The following GABBR2 variants were observed in gnomAD, a reference collection of about 807,000 sequenced individuals.
GABBR2 encodes G-protein coupled receptor 51.
GABBR2 carries 23 observed loss-of-function variants against 105.6 expected under a neutral mutation model. The observed-to-expected ratio is 0.22, with a 90% CI of 0.16 to 0.31. The LOEUF is 0.31. Among genes scored for constraint, GABBR2 ranks in the 10% least tolerant of loss-of-function variants. GABBR2 has a pLI of 1.00. For synonymous variants in GABBR2, 478 were observed against 499.7 expected, an observed-to-expected ratio of 0.96 and a Z score of 0.58; for missense variants, 734 against 1,245.5, an observed-to-expected ratio of 0.59 and a Z score of 6.18.
chr9:98,411,048 A>G (rs1356927142), intron 7 of GABBR2, among the ~76,000 whole-genome samples: 2 of 152,180 alleles, frequency 1.3e-5, no homozygotes, highest in Non-Finnish European at 2.9e-5. Flanking sequence ...TTGATAATGG[A>G]TTCTAACTTC....
chr9:98,507,600 T>C (rs1380062315), intron 3 of GABBR2, among the ~76,000 whole-genome samples: 1 of 152,188 alleles, frequency 6.6e-6, no homozygotes, highest in Non-Finnish European at 1.5e-5. Context: ...TTTATGATGA[T>C]TTGTTGCAGC....
At chr9:98,369,177 A>G (rs1458654192) in intron 12 of GABBR2, among the ~76,000 whole-genome samples, 1 of 152,096 alleles carries the variant, frequency 6.6e-6, no homozygotes, top group East Asian at 1.9e-4. Context: ...CATCTTACGG[A>G]GAGTTGTCAT....
At chr9:98,528,193 G>A (rs1827997690) in intron 3 of GABBR2, among the ~76,000 whole-genome samples, 1 of 152,072 alleles carries the variant, frequency 6.6e-6, no homozygotes, top group Admixed American at 6.6e-5. Flanking sequence ...AAGCAAAAGT[G>A]TAATATATTA....
chr9:98,306,994 T>C lies in GABBR2; in HGVS notation c.2005-649A>G, dbSNP rs2131356242. ...GTTGCTTTTCCTCCTTCCTAACAGC[T>C]GGAGTGGAATGTGATGGGTGGAGCT... On this transcript the variant is annotated intron_variant, in intron 14 of 18. Coordinates refer to ENST00000259455, the MANE Select transcript of GABBR2 (RefSeq NM_005458.8). The surrounding 1 kb of genome is among the most constrained non-coding windows in gnomAD (Gnocchi z 5.4). Among the ~76,000 whole-genome samples, 1 of 152,234 alleles carries C rather than the reference T, an allele frequency of 6.6e-6. No homozygotes were observed. Among genetic ancestry groups the C allele is most frequent in the South Asian group, 2.1e-4 (1 of 4,824 alleles).
intron 2 of GABBR2, among the ~76,000 whole-genome samples, chr9:98,544,805 G>A (rs954814496): frequency 6.6e-6 from 1 of 152,172 alleles, no homozygotes; most frequent in African/African-American, 2.4e-5. Context: ...TATTCACAAA[G>A]AGGATCATTC....
At chr9:98,296,350 C>A (rs757591212) in intron 17 of GABBR2, among the ~76,000 whole-genome samples, 11 of 152,172 alleles carry the variant, frequency 7.2e-5, no homozygotes, top group Non-Finnish European at 1.5e-4. Context: ...GACTCCCCAG[C>A]CTCCAGAACT....
chr9:98,644,386 A>G (rs536360610), intron 1 of GABBR2, among the ~76,000 whole-genome samples: 160 of 152,340 alleles, frequency 1.1e-3, no homozygotes, highest in African/African-American at 3.8e-3. Context: ...TCAATCTAAA[A>G]GGAACCCTGG....
chr9:98,574,155 C>G (rs1234160393), intron 2 of GABBR2, among the ~76,000 whole-genome samples: 1 of 152,172 alleles, frequency 6.6e-6, no homozygotes, highest in East Asian at 1.9e-4. Flanking sequence ...AACTGGAGTT[C>G]CTGCCTTCCT....
At chr9:98,475,343 C>CT in intron 5 of GABBR2, among the ~76,000 whole-genome samples, 1 of 148,546 alleles carries the variant, frequency 6.7e-6, no homozygotes, top group Non-Finnish European at 1.5e-5. Context: ...TCCACAGAAA[C>CT]TTTAAAAAAA....
At chr9:98,389,628 A>T (rs1444431624) in intron 9 of GABBR2, among the ~76,000 whole-genome samples, 1 of 152,190 alleles carries the variant, frequency 6.6e-6, no homozygotes, top group East Asian at 1.9e-4. Flanking sequence ...CTGGCCTGGA[A>T]CTGTGGGATT....
Position 98,615,185 on chromosome 9 carries a change from C to T in GABBR2, c.322-37113G>A, listed in dbSNP as rs144110699. On this transcript the variant is annotated intron_variant, in intron 1 of 18. Coordinates refer to ENST00000259455, the MANE Select transcript of GABBR2 (RefSeq NM_005458.8). ...ACCCAACTCACCCCTGAATCACCAGCCCCTAGCAGGATGCGAGACACACTA... is the reference window on the plus strand; with the variant it reads ...ACCCAACTCACCCCTGAATCACCAGTCCCTAGCAGGATGCGAGACACACTA... 1.5e-3 allele frequency among the ~76,000 whole-genome samples: 235 copies of T among 152,294 alleles called. 1 individual carries two copies. The highest frequency in any genetic ancestry group is 5.5e-3 in the African/African-American group (228 of 41,554).
chr9:98,420,515 C>T (rs955324012), intron 7 of GABBR2, among the ~76,000 whole-genome samples: 13 of 152,180 alleles, frequency 8.5e-5, no homozygotes, highest in Non-Finnish European at 1.9e-4. Context: ...GTGCATCAGA[C>T]TAGGCCAGGT....
rs111836314 is a variant in GABBR2, at chr9:98,362,944, C to T, written c.1771-107G>A. On this transcript the variant is annotated intron_variant, in intron 12 of 18. Transcript: ENST00000259455. ...GAACCTGCATCATGAACCCCCCAGC[C>T]GGAGAGTCTCCTGCGATTCCCCATC... is the stretch of plus-strand genomic sequence containing the variant. The T allele has an allele frequency of 4.1e-4, 389 of 946,582 alleles. No individual in the cohort carries two copies. The African/African-American group carries it at 5.8e-3, about 14-fold the overall frequency. 58.6% of individuals were successfully genotyped at this position (946,582 alleles called of 1,614,324 possible).
chr9:98,367,463 T>C (rs151191376), intron 12 of GABBR2, among the ~76,000 whole-genome samples: 1 of 151,896 alleles, frequency 6.6e-6, no homozygotes, highest in African/African-American at 2.4e-5. Flanking sequence ...GGCATGGCTG[T>C]GGGGAGAGGA....
chr9:98,628,115 T>C (rs1030983070), intron 1 of GABBR2, among the ~76,000 whole-genome samples: 3 of 152,344 alleles, frequency 2.0e-5, no homozygotes, highest in Non-Finnish European at 4.4e-5. Context: ...AAAAGTTACA[T>C]GACATAAGAT....
rs1830943616 is a variant in GABBR2, at chr9:98,708,904, GGCGGCGGCA to G, written c.-176_-168del. 3.9e-6 allele frequency: 1 copy of G among 253,916 alleles called. No homozygotes were observed. The highest frequency in any genetic ancestry group is 6.2e-6 in the Non-Finnish European group (1 of 160,798). The allele number at this position is 253,916 out of a possible 1,614,324, so 15.7% of individuals were successfully genotyped here. A position where few individuals can be genotyped will look rare whatever the true frequency, so the allele number is the denominator to read the frequency against. Reference sequence around the variant, plus strand: ...CTCGGCTCAGAACGGCCGCGGCGGCGGCGGCGGCAGCGGCGGCGCCCGTGACGGATCAAT... The same window carrying G: ...CTCGGCTCAGAACGGCCGCGGCGGCGGCGGCGGCGCCCGTGACGGATCAAT... On this transcript the variant is annotated 5_prime_UTR_variant, in exon 1 of 19. Coordinates refer to ENST00000259455, the MANE Select transcript of GABBR2 (RefSeq NM_005458.8).
At chr9:98,551,977 GGT>G (rs1564112105) in intron 2 of GABBR2, 1 of 152,144 alleles carries the variant, frequency 6.6e-6, no homozygotes, top group African/African-American at 2.4e-5. Flanking sequence ...GTCTTGTGTG[GGT>G]GTGTGTTTTA....
At position 98,708,827 on chromosome 9, in the gene GABBR2, C is replaced by G. The variant is rs923434367; in HGVS notation, c.-90G>C. On this transcript the variant is annotated 5_prime_UTR_variant, in exon 1 of 19. Transcript: ENST00000259455. Reference sequence around the variant, plus strand: ...CGCGCCAAGGTCTTCCCGCGGCGCCCGCGCAATGGCGCCGGCCCGGGCCCC... The same window carrying G: ...CGCGCCAAGGTCTTCCCGCGGCGCCGGCGCAATGGCGCCGGCCCGGGCCCC... 1 of 720,678 alleles carries G rather than the reference C, an allele frequency of 1.4e-6. No individual in the cohort carries two copies. Among genetic ancestry groups the G allele is most frequent in the Non-Finnish European group, 1.7e-6 (1 of 589,650 alleles). 44.6% of individuals were successfully genotyped at this position (720,678 alleles called of 1,614,324 possible). A position where few individuals can be genotyped will look rare whatever the true frequency, so the allele number is the denominator to read the frequency against.
At chr9:98,639,930 T>C (rs559521779) in intron 1 of GABBR2, among the ~76,000 whole-genome samples, 5 of 152,246 alleles carry the variant, frequency 3.3e-5, no homozygotes, top group Admixed American at 1.3e-4. Flanking sequence ...AGAGACAGCA[T>C]AGTGGCAACC....
Sources: gnomAD v4.1 joint callset for allele counts (sites outside exome capture counted in the v4.1 genomes callset) on GRCh38, gnomAD v4.1.1 for gene constraint, Gnocchi (gnomAD v3.1) non-coding constraint, MANE v1.5 for transcripts, NCBI Gene and HGNC (gene_info 2026-07-23, HGNC 2026-07-21) for gene names.